MRPS30: variants seen among roughly 807,000 people sequenced by gnomAD.
MRPS30 encodes the protein large ribosomal subunit protein mL65.
A neutral mutation model predicts 43.8 loss-of-function variants in MRPS30; 42 were observed. That is an observed-to-expected ratio of 0.96 (90% CI 0.75 to 1.24). MRPS30 has a LOEUF of 1.24. MRPS30 is among the 50% of genes most tolerant of loss of function. MRPS30 has a pLI of 0.00. For missense variants in MRPS30, 638 were observed against 570.0 expected, an observed-to-expected ratio of 1.12 and a Z score of -1.22; for synonymous variants, 273 against 228.2, an observed-to-expected ratio of 1.20 and a Z score of -1.77.
chr5:44,812,842 A>G (rs1742865018), intron 3 of MRPS30, among the ~76,000 whole-genome samples: 1 of 152,098 alleles, frequency 6.6e-6, no homozygotes, highest in African/African-American at 2.4e-5. Flanking sequence ...ATTTTAAATA[A>G]CTTGTCTATA....
intron 3 of MRPS30, 118 bp downstream of exon 3, chr5:44,812,138 A>G (rs1742850765): frequency 3.6e-6 from 2 of 551,224 alleles, no homozygotes; most frequent in East Asian, 3.1e-5. Flanking sequence ...TACATAGTCT[A>G]TGAGCAATAT....
At chr5:44,810,892 C>T in intron 1 of MRPS30, 117 bp from the exon 2 acceptor site, 2 of 874,422 alleles carry the variant, frequency 2.3e-6, no homozygotes, top group Non-Finnish European at 3.5e-6. Flanking sequence ...AACCCAGACT[C>T]TTACCTCAAT....
At chr5:44,812,503 G>A (rs1205779148) in intron 3 of MRPS30, among the ~76,000 whole-genome samples, 1 of 151,932 alleles carries the variant, frequency 6.6e-6, no homozygotes, top group Non-Finnish European at 1.5e-5. Flanking sequence ...GTCTTAAGAA[G>A]GTTTTATACC....
Position 44,809,530 on chromosome 5 carries a change from C to G in MRPS30, c.568C>G (p.Pro190Ala), listed in dbSNP as rs765371454. 1 of 1,609,082 alleles carries G rather than the reference C, an allele frequency of 6.2e-7. No individual in the cohort carries two copies. The highest frequency in any genetic ancestry group is 8.5e-7 in the Non-Finnish European group (1 of 1,177,816). The change falls in exon 1 of 5, where the codon CCA (proline) becomes GCA (alanine). Residue 190 changes from proline (P) to alanine (A), a missense_variant. Pro to Ala is a conservative substitution (Grantham distance 27, BLOSUM62 -1). Coordinates refer to ENST00000507110, the MANE Select transcript of MRPS30 (RefSeq NM_016640.4). ...GTCAACCCTCGTGGGCCTCCTCAGC[C>G]CACACAACCCGGCCCTGGCCGCTGC... The part of the protein sequence containing the change: ...LVSTLVGLLS[P>A]HNPALAAAAL...
Position 44,814,916 on chromosome 5 carries a change from T to A in MRPS30, c.1034T>A (p.Phe345Tyr). Residue 345 changes from phenylalanine (F) to tyrosine (Y), a missense_variant, in exon 5 of 5, where the codon TTC (phenylalanine) becomes TAC (tyrosine). Phe to Tyr is a conservative substitution (Grantham distance 22). Coordinates refer to ENST00000507110, the MANE Select transcript of MRPS30 (RefSeq NM_016640.4). ...TCAGCATAACTTTCTTCTACAGGAT[T>A]CTGGAGTGAAGCAGATGTTACTCGA... is the stretch of plus-strand genomic sequence containing the variant. Reference protein sequence around the residue: ...WTGAQAMYQGFWSEADVTRPF... With the variant: ...WTGAQAMYQGYWSEADVTRPF... The A allele has an allele frequency of 6.2e-7, 1 of 1,604,080 alleles. No individual in the cohort carries two copies. Among genetic ancestry groups the A allele is most frequent in the Non-Finnish European group, 8.5e-7 (1 of 1,175,276 alleles).
rs150879289 is a variant in MRPS30 at position 44,809,377 on chromosome 5, C to T, written c.415C>T (p.Leu139Phe). Residue 139 changes from leucine to phenylalanine, a missense_variant, in exon 1 of 5, where the codon CTC becomes TTC. Coordinates refer to ENST00000507110, the MANE Select transcript of MRPS30 (RefSeq NM_016640.4). ...ACCCGAACCTGAACCTGCGCTGGAC[C>T]TCGCGGCGCTGCGTGCGGTCGCCTG... ...PEPEPEPALD[L>F]AALRAVACDC... 3.1e-6 allele frequency: 5 copies of T among 1,608,178 alleles called. No individual in the cohort carries two copies. Among genetic ancestry groups the T allele is most frequent in the Non-Finnish European group, 3.4e-6 (4 of 1,177,268 alleles).
In MRPS30 at chr5:44,815,246, C is replaced by T. The variant is rs1579859485; in HGVS notation, c.*44C>T. On this transcript the variant is annotated 3_prime_UTR_variant, in exon 5 of 5. Coordinates refer to ENST00000507110, the MANE Select transcript of MRPS30 (RefSeq NM_016640.4). ...GAACTGTGGGAATATTTAAATTTTA[C>T]TGAAGGAACAATAATGATGAGATTT... is the stretch of plus-strand genomic sequence containing the variant. 1.4e-6 allele frequency: 2 copies of T among 1,461,400 alleles called. No individual in the cohort carries two copies. Among genetic ancestry groups the T allele is most frequent in the African/African-American group, 1.4e-5 (1 of 70,746 alleles). The allele number at this position is 1,461,400 out of a possible 1,614,324, so 90.5% of individuals were successfully genotyped here.
In MRPS30 at chr5:44,809,573, G is replaced by C; in HGVS notation, c.601+10G>C. The C allele has an allele frequency of 6.3e-7, 1 of 1,579,010 alleles. No homozygotes were observed. The highest frequency in any genetic ancestry group is 8.6e-7 in the Non-Finnish European group (1 of 1,163,990). On this transcript the variant is annotated intron_variant, in intron 1 of 4. Coordinates refer to ENST00000507110, the MANE Select transcript of MRPS30 (RefSeq NM_016640.4). Reference sequence around the variant, plus strand: ...GCCGCTGCCGCCCTCGGTGAGCCTTGGATTCCGCCCCAGGGCGGAAGGGAG... The same window carrying C: ...GCCGCTGCCGCCCTCGGTGAGCCTTCGATTCCGCCCCAGGGCGGAAGGGAG...
chr5:44,809,699 G>A lies in MRPS30; in HGVS notation c.601+136G>A, dbSNP rs559372363. On this transcript the variant is annotated intron_variant, in intron 1 of 4. Coordinates refer to ENST00000507110, the MANE Select transcript of MRPS30 (RefSeq NM_016640.4). ...TTCCTAGTCCTTTCGTTCCTATCTG[G>A]GGTGGCCTGGTTTTGTAACAGTCAC... 6.8e-5 allele frequency: 70 copies of A among 1,025,678 alleles called. 1 individual carries two copies. The South Asian group carries it at 1.1e-3, about 16-fold the overall frequency. 63.5% of individuals were successfully genotyped at this position (1,025,678 alleles called of 1,614,324 possible).
intron 3 of MRPS30, among the ~76,000 whole-genome samples, 131 bp from the exon 4 acceptor site, chr5:44,812,953 GATATATAAGTAAACTAATATTC>G (rs1742866388): frequency 1.3e-5 from 2 of 152,090 alleles, no homozygotes; most frequent in South Asian, 2.1e-4. Flanking sequence ...TGATCCATAA[GATATATAAGTAAACTAATATTC>G]CTACTTATGT....
In MRPS30 at chr5:44,809,082, C is replaced by T. The variant is rs538390017; in HGVS notation, c.120C>T (p.Pro40=). 8 of 1,609,918 alleles carry T rather than the reference C, an allele frequency of 5.0e-6. No homozygotes were observed. Among genetic ancestry groups the T allele is most frequent in the Non-Finnish European group, 6.8e-6 (8 of 1,178,714 alleles). Residue 40 remains proline, a synonymous_variant, in exon 1 of 5, where the codon CCC becomes CCT. Coordinates refer to ENST00000507110, the MANE Select transcript of MRPS30 (RefSeq NM_016640.4). ...ETTCQDVAAT[P]VARYPPIVAS... The stretch of plus-strand genomic sequence containing the variant: ...CCTGCCAAGACGTCGCGGCGACCCC[C>T]GTCGCGCGGTACCCGCCGATTGTGG...
In MRPS30 at chr5:44,815,330, GTTA is replaced by G. The variant is rs947109171; in HGVS notation, c.*132_*134del. 2.4e-6 allele frequency: 2 copies of G among 832,282 alleles called. No individual in the cohort carries two copies. Among genetic ancestry groups the G allele is most frequent in the Admixed American group, 3.3e-5 (1 of 30,616 alleles). The allele number at this position is 832,282 out of a possible 1,614,324, so 51.6% of individuals were successfully genotyped here. On this transcript the variant is annotated 3_prime_UTR_variant, in exon 5 of 5. Transcript: ENST00000507110. ...AGACAAATATTTCTTATGTCAACCT[GTTA>G]TTAGATCTCTTACTCTGCTCAAATT...
chr5:44,814,450 T>G (rs1034798079), intron 4 of MRPS30, among the ~76,000 whole-genome samples: 2 of 152,220 alleles, frequency 1.3e-5, no homozygotes, highest in Non-Finnish European at 1.5e-5. Flanking sequence ...ATGGCACTGT[T>G]TACTTTTGAA....
chr5:44,811,137 T>C lies in MRPS30; in HGVS notation c.730T>C (p.Ser244Pro), dbSNP rs1295132678. 2 of 1,614,000 alleles carry C rather than the reference T, an allele frequency of 1.2e-6. No homozygotes were observed. The highest frequency in any genetic ancestry group is 3.3e-5 in the Admixed American group (2 of 60,024). The change falls in exon 2 of 5, where the codon TCC becomes CCC. Residue 244 changes from serine to proline, a missense_variant. Transcript: ENST00000507110. ...TAAACCAAACAACCAGATTCGAATATCCAAGCAACTCGCAGAGGTAAGGAT... is the reference window on the plus strand; with the variant it reads ...TAAACCAAACAACCAGATTCGAATACCCAAGCAACTCGCAGAGGTAAGGAT... ...DDKPNNQIRI[S>P]KQLAEFVPLD...
rs1188784865 is a variant in MRPS30, at chr5:44,815,127, T to C, written c.1245T>C (p.Asp415=). The C allele has an allele frequency of 6.2e-7, 1 of 1,612,838 alleles. No individual in the cohort carries two copies. The highest frequency in any genetic ancestry group is 1.7e-5 in the Admixed American group (1 of 60,004). ...IEDNDVKGFN[D]DVLLQIVHFL... is the part of the protein sequence containing the mutation. ...ATAATGATGTGAAAGGTTTTAATGATGATGTTCTACTTCAGATAGTTCACT... is the reference window on the plus strand; with the variant it reads ...ATAATGATGTGAAAGGTTTTAATGACGATGTTCTACTTCAGATAGTTCACT... The change falls in exon 5 of 5, where the codon GAT becomes GAC. Residue 415 remains aspartate (D), a synonymous_variant. Transcript: ENST00000507110.
chr5:44,809,922 C>T (rs1162968536), intron 1 of MRPS30: 1 of 250,234 alleles, frequency 4.0e-6, no homozygotes, highest in African/African-American at 2.2e-5. Flanking sequence ...TTGGCTGTTC[C>T]ACCACAAAGC....
intron 4 of MRPS30, among the ~76,000 whole-genome samples, chr5:44,814,238 T>C (rs2111859145): frequency 6.6e-6 from 1 of 152,328 alleles, no homozygotes; most frequent in East Asian, 1.9e-4. Context: ...TAATATGAAG[T>C]AGATTAACAC....
chr5:44,809,337 C>G lies in MRPS30; in HGVS notation c.375C>G (p.Pro125=), dbSNP rs757049349. Residue 125 remains proline (P), a synonymous_variant, in exon 1 of 5, where the codon CCC becomes CCG. Coordinates refer to ENST00000507110, the MANE Select transcript of MRPS30 (RefSeq NM_016640.4). ...LSGLPPPPAE[P]EPEPEPEPEP... Reference sequence around the variant, plus strand: ...GTCTGCCGCCGCCCCCAGCGGAGCCCGAGCCCGAGCCCGAACCCGAACCTG... The same window carrying G: ...GTCTGCCGCCGCCCCCAGCGGAGCCGGAGCCCGAGCCCGAACCCGAACCTG... The G allele has an allele frequency of 1.9e-6, 3 of 1,608,112 alleles. No individual in the cohort carries two copies. Among genetic ancestry groups the G allele is most frequent in the Non-Finnish European group, 1.7e-6 (2 of 1,177,560 alleles).
intron 1 of MRPS30, chr5:44,809,925 C>T (rs895775702): frequency 1.2e-4 from 31 of 248,060 alleles, no homozygotes; most frequent in African/African-American, 6.7e-4. Flanking sequence ...GCTGTTCCAC[C>T]ACAAAGCTGT....
Sources: allele counts gnomAD v4.1 joint callset (sites outside exome capture counted in the v4.1 genomes callset), GRCh38; gene constraint gnomAD v4.1.1; transcripts MANE v1.5; gene names NCBI Gene and HGNC (gene_info 2026-07-23, HGNC 2026-07-21).